Variants in GLIS3 observed in about 807,000 individuals in gnomAD.
GLIS3 encodes the protein zinc finger protein GLIS3.
Under a neutral mutation model 78.6 loss-of-function variants are expected in GLIS3, and 53 were observed. The observed-to-expected ratio is 0.67, with a 90% confidence interval of 0.54 to 0.85. The LOEUF (loss-of-function observed/expected upper bound fraction) is 0.85. Among genes scored for constraint, GLIS3 ranks in the 40% least tolerant of loss-of-function variants. The probability of loss-of-function intolerance (pLI) is 0.00; values close to 1 mark genes in which losing one functional copy is unlikely to be tolerated. For missense variants in GLIS3, 1,703 were observed against 1,231.1 expected (o/e 1.38, Z -5.74); for synonymous variants, 684 against 509.9 (o/e 1.34, Z -4.60).
chr9:3,959,934 C>G (rs967162308), intron 4 of GLIS3, among the ~76,000 whole-genome samples: 8 of 152,146 alleles, frequency 5.3e-5, no homozygotes, highest in African/African-American at 1.9e-4. Flanking sequence ...GGCGGACCAC[C>G]TGAGGTCAGG....
intron 2 of GLIS3, among the ~76,000 whole-genome samples, chr9:4,224,433 A>C (rs1230019422): frequency 6.6e-6 from 1 of 152,198 alleles, no homozygotes; most frequent in African/African-American, 2.4e-5. Flanking sequence ...GTCGTTCATC[A>C]TACACTGTCC....
At chr9:4,153,429 T>TAATTACAGG (rs1834828367) in intron 2 of GLIS3, among the ~76,000 whole-genome samples, 2 of 152,130 alleles carry the variant, frequency 1.3e-5, no homozygotes, top group South Asian at 4.1e-4. Context: ...CCAGGTGTGC[T>TAATTACAGG]TGTGCACTCC....
chr9:4,297,910 CG>C lies in GLIS3; in HGVS notation c.-99+1510del, dbSNP rs1165802855. On this transcript the variant is annotated intron_variant, in intron 1 of 10. Transcript: ENST00000381971. ...TTCCCTATAGGACTGGCTTCGCTGCCGGGGTCGGAGATTCCTCGGCGCGGAG... is the reference window on the plus strand; with the variant it reads ...TTCCCTATAGGACTGGCTTCGCTGCCGGGTCGGAGATTCCTCGGCGCGGAG... 8.5e-5 allele frequency among the ~76,000 whole-genome samples: 13 copies of C among 152,162 alleles called. No homozygotes were observed. In the South Asian group the frequency reaches 2.5e-3, roughly 29 times the overall value.
the GLIS3 span, among the ~76,000 whole-genome samples, chr9:4,395,868 A>G: frequency 6.8e-6 from 1 of 147,570 alleles, no homozygotes; most frequent in African/African-American, 2.5e-5. Flanking sequence ...TCGACTCCCT[A>G]GTTCAAGCGA....
At chr9:4,355,325 A>C in the GLIS3 span, among the ~76,000 whole-genome samples, 1 of 152,114 alleles carries the variant, frequency 6.6e-6, no homozygotes, top group African/African-American at 2.4e-5. Flanking sequence ...GTAAACTTAC[A>C]GGGCTCCTGT....
intron 3 of GLIS3, 70 bp downstream of exon 3, chr9:4,125,664 A>G (rs576450501): frequency 1.2e-5 from 12 of 1,018,856 alleles, no homozygotes; most frequent in Admixed American, 1.7e-5. Flanking sequence ...GTATTCAGAA[A>G]GAGAACGGAA....
At chr9:4,136,555 T>C (rs1361423578) in intron 2 of GLIS3, among the ~76,000 whole-genome samples, 1 of 152,174 alleles carries the variant, frequency 6.6e-6, no homozygotes, top group Non-Finnish European at 1.5e-5. Flanking sequence ...TAAAGTACAT[T>C]TGTTTAGGGA....
chr9:4,157,970 A>G (rs1835161449), intron 2 of GLIS3, among the ~76,000 whole-genome samples: 1 of 152,238 alleles, frequency 6.6e-6, no homozygotes, highest in Non-Finnish European at 1.5e-5. Flanking sequence ...AATCTTGTTA[A>G]CGGATGTATA....
intron 2 of GLIS3, among the ~76,000 whole-genome samples, chr9:4,232,382 T>TAAAAAAAAAAAAAAAA (rs56725850): frequency 9.8e-6 from 1 of 101,670 alleles, no homozygotes; most frequent in African/African-American, 3.6e-5. Flanking sequence ...CCTTGTCTCT[T>TAAAAAAAAAAAAAAAA]AAAAAAAAAA....
chr9:4,354,694 C>A, the GLIS3 span, among the ~76,000 whole-genome samples: 2 of 152,156 alleles, frequency 1.3e-5, no homozygotes. Flanking sequence ...CCATTGGCAG[C>A]ACTGGAGTGA....
At chr9:4,290,283 T>A (rs563828991) in intron 1 of GLIS3, among the ~76,000 whole-genome samples, 1 of 152,154 alleles carries the variant, frequency 6.6e-6, no homozygotes, top group Non-Finnish European at 1.5e-5. Context: ...TTACTCTGCA[T>A]AGAAAACCCG....
intron 2 of GLIS3, among the ~76,000 whole-genome samples, chr9:4,282,160 A>G (rs1485714465): frequency 6.6e-6 from 1 of 152,166 alleles, no homozygotes; most frequent in Non-Finnish European, 1.5e-5. Context: ...CGCTTCCCTA[A>G]GAGTTGCTAT....
intron 6 of GLIS3, among the ~76,000 whole-genome samples, chr9:3,912,915 A>G (rs995036941): frequency 2.0e-5 from 3 of 152,230 alleles, no homozygotes; most frequent in Non-Finnish European, 4.4e-5. Context: ...AGCTTCATAA[A>G]TTCCTCTGAC....
In GLIS3 at chr9:4,257,034, T is replaced by C. The variant is rs569766984; in HGVS notation, c.388+29004A>G. The stretch of plus-strand genomic sequence containing the variant: ...TAGTACATATATGTGTTAATATTAA[T>C]GTACATATAGGTATTATGTATTATG... On this transcript the variant is annotated intron_variant, in intron 2 of 10. Coordinates refer to ENST00000381971, the MANE Select transcript of GLIS3 (RefSeq NM_001042413.2). Among the ~76,000 whole-genome samples, 4 of 152,350 alleles carry C rather than the reference T, an allele frequency of 2.6e-5. No individual in the cohort carries two copies. In the East Asian group the frequency reaches 7.7e-4, roughly 29 times the overall value.
chr9:4,209,744 G>C (rs1445908794), intron 2 of GLIS3, among the ~76,000 whole-genome samples: 2 of 152,038 alleles, frequency 1.3e-5, no homozygotes, highest in Non-Finnish European at 2.9e-5. Context: ...TGTTGTGGGG[G>C]TTATTCTGTG....
intron 4 of GLIS3, among the ~76,000 whole-genome samples, chr9:4,076,573 T>C (rs990540252): frequency 2.0e-5 from 3 of 152,192 alleles, no homozygotes; most frequent in Admixed American, 1.3e-4. Context: ...AAAAAGAACA[T>C]TGACCATTAT....
chr9:4,320,937 G>A (rs541460958), intron 2 of GLIS3, among the ~76,000 whole-genome samples: 6 of 152,134 alleles, frequency 3.9e-5, no homozygotes, highest in Admixed American at 3.9e-4. Context: ...TCCTGCTTGA[G>A]CATTTTTCAA....
chr9:4,237,976 G>A (rs1283005719), intron 2 of GLIS3, among the ~76,000 whole-genome samples: 1 of 152,146 alleles, frequency 6.6e-6, no homozygotes, highest in Non-Finnish European at 1.5e-5. Context: ...CTCCCTTTGA[G>A]CAGGGACTGT....
intron 6 of GLIS3, among the ~76,000 whole-genome samples, chr9:3,929,407 T>G (rs540021149): frequency 6.6e-6 from 1 of 152,184 alleles, no homozygotes; most frequent in African/African-American, 2.4e-5. Context: ...AGGTTTTTCT[T>G]GGTTTTCAGT....
Sources: allele counts gnomAD v4.1 joint callset (sites outside exome capture counted in the v4.1 genomes callset), GRCh38; gene constraint gnomAD v4.1.1; transcripts MANE v1.5; gene names NCBI Gene and HGNC (gene_info 2026-07-23, HGNC 2026-07-21).